EGFLAM: variants seen among roughly 807,000 people sequenced by gnomAD.
The protein encoded by EGFLAM is EGF like, fibronectin type III and laminin G domains.
In EGFLAM, 79 loss-of-function variants were observed where a neutral mutation model predicts 113.1. The ratio of observed to expected loss-of-function variants is 0.70; its 90% CI spans 0.58 to 0.84. EGFLAM has a LOEUF of 0.84. Among genes scored for constraint, EGFLAM ranks in the 40% least tolerant of loss-of-function variants. EGFLAM has a pLI of 0.00. For missense variants in EGFLAM, 1,265 were observed against 1,291.6 expected (o/e 0.98, Z 0.32); for synonymous variants, 504 against 487.6 (o/e 1.03, Z -0.44).
chr5:38,327,201 A>T (rs1164396360), intron 1 of EGFLAM, among the ~76,000 whole-genome samples: 2 of 152,240 alleles, frequency 1.3e-5, no homozygotes, highest in Admixed American at 1.3e-4. Context: ...AAATGCAGAG[A>T]AACAGACTGC....
At chr5:38,334,971 T>C (rs1022458015) in intron 1 of EGFLAM, among the ~76,000 whole-genome samples, 6 of 152,308 alleles carry the variant, frequency 3.9e-5, no homozygotes, top group African/African-American at 1.4e-4. Context: ...TGGGGAGTAC[T>C]ACTGTCATTT....
chr5:38,315,446 G>A lies in EGFLAM; in HGVS notation c.98-22074G>A, dbSNP rs545190989. Among the ~76,000 whole-genome samples the A allele has an allele frequency of 1.6e-4, 25 of 152,254 alleles. No homozygotes were observed. In the South Asian group the frequency reaches 4.4e-3, roughly 27 times the overall value. On this transcript the variant is annotated intron_variant, in intron 1 of 21. Transcript: ENST00000322350. ...TTCACAAGCTATACCACCATTCATCGCACAATATATAAGTGCATTTTGTGT... is the reference window on the plus strand; with the variant it reads ...TTCACAAGCTATACCACCATTCATCACACAATATATAAGTGCATTTTGTGT...
Position 38,406,232 on chromosome 5 carries a change from C to T in EGFLAM, c.819C>T (p.Ser273=). ...AAGACGACTTAGATTTGGATATTTC[C>T]TTTGAGGAGGTAACAATAATCTCTG... is the stretch of plus-strand genomic sequence containing the variant. ...GFEDDLDLDI[S]FEEVKPLPAT... Residue 273 remains serine (S), a synonymous_variant, in exon 7 of 22, where the codon TCC becomes TCT. Transcript: ENST00000322350. 1 of 1,613,890 alleles carries T rather than the reference C, an allele frequency of 6.2e-7. No homozygotes were observed. Among genetic ancestry groups the T allele is most frequent in the African/African-American group, 1.3e-5 (1 of 75,042 alleles).
intron 6 of EGFLAM, among the ~76,000 whole-genome samples, chr5:38,374,683 G>C (rs1327798169): frequency 1.3e-5 from 2 of 152,196 alleles, no homozygotes; most frequent in Non-Finnish European, 2.9e-5. Flanking sequence ...TAGCTAGTTT[G>C]TTAGTCCTAC....
intron 13 of EGFLAM, among the ~76,000 whole-genome samples, chr5:38,425,498 G>A (rs993816973): frequency 6.6e-6 from 1 of 152,100 alleles, no homozygotes; most frequent in Non-Finnish European, 1.5e-5. Flanking sequence ...ATCTAACAAA[G>A]CCCCATACAT....
intron 6 of EGFLAM, among the ~76,000 whole-genome samples, chr5:38,397,563 G>A (rs1421003732): frequency 6.6e-6 from 1 of 152,152 alleles, no homozygotes; most frequent in Non-Finnish European, 1.5e-5. Context: ...AAAGTGCTGG[G>A]ATCACAGGTG....
chr5:38,382,863 C>A (rs1040402039), intron 6 of EGFLAM, among the ~76,000 whole-genome samples: 1 of 152,192 alleles, frequency 6.6e-6, no homozygotes, highest in Admixed American at 6.5e-5. Flanking sequence ...CTAATCCCAG[C>A]ATCTACCATA....
intron 18 of EGFLAM, 26 bp downstream of exon 18, chr5:38,448,405 C>G (rs1265689176): frequency 6.2e-7 from 1 of 1,610,932 alleles, no homozygotes; most frequent in Non-Finnish European, 8.5e-7. Context: ...AGGCACCTTC[C>G]TCAGCTTTCT....
chr5:38,370,775 A>T (rs1224839744), intron 6 of EGFLAM, among the ~76,000 whole-genome samples: 1 of 152,160 alleles, frequency 6.6e-6, no homozygotes, highest in Non-Finnish European at 1.5e-5. Context: ...CCTCCTTTTC[A>T]TATTTTGAGA....
chr5:38,268,645 G>C (rs1181297384), intron 1 of EGFLAM, among the ~76,000 whole-genome samples: 2 of 152,162 alleles, frequency 1.3e-5, no homozygotes, highest in African/African-American at 2.4e-5. Flanking sequence ...TTTATACGTG[G>C]CAGAATTTGA....
chr5:38,407,796 C>T lies in EGFLAM; in HGVS notation c.1148-9C>T, dbSNP rs761998862. 19 of 1,593,182 alleles carry T rather than the reference C, an allele frequency of 1.2e-5. No homozygotes were observed. Among genetic ancestry groups the T allele is most frequent in the Admixed American group, 1.7e-5 (1 of 57,984 alleles). On this transcript the variant is annotated splice_polypyrimidine_tract_variant and intron_variant, in intron 8 of 21. Transcript: ENST00000322350. ...AGCATTCTTTTGTGTTGTCTTTTTT[C>T]TTCTTCAGATATTGTTATCCAGTAT...
chr5:38,351,705 A>G (rs899906467), intron 4 of EGFLAM, among the ~76,000 whole-genome samples: 12 of 152,200 alleles, frequency 7.9e-5, no homozygotes, highest in African/African-American at 2.9e-4. Context: ...CAAATGACCT[A>G]CCATTACTAT....
At chr5:38,319,332 T>G (rs1448086416) in intron 1 of EGFLAM, among the ~76,000 whole-genome samples, 1 of 152,106 alleles carries the variant, frequency 6.6e-6, no homozygotes, top group Non-Finnish European at 1.5e-5. Context: ...AAGAGAAAAT[T>G]CAGGTTGAGA....
chr5:38,395,026 C>T (rs534986584), intron 6 of EGFLAM, among the ~76,000 whole-genome samples: 8 of 151,884 alleles, frequency 5.3e-5, no homozygotes, highest in Admixed American at 1.3e-4. Context: ...CTACAACCTT[C>T]GCCTCCCGGA....
intron 19 of EGFLAM, among the ~76,000 whole-genome samples, chr5:38,457,172 A>AT (rs1743115000): frequency 6.6e-6 from 1 of 152,204 alleles, no homozygotes; most frequent in South Asian, 2.1e-4. Context: ...TAGGTTTGTG[A>AT]TTTTAGGCAA....
At chr5:38,342,622 T>C (rs908263304) in intron 3 of EGFLAM, among the ~76,000 whole-genome samples, 1 of 152,204 alleles carries the variant, frequency 6.6e-6, no homozygotes, top group Non-Finnish European at 1.5e-5. Context: ...ATCTTTTTCT[T>C]AAAATAATAC....
intron 6 of EGFLAM, among the ~76,000 whole-genome samples, chr5:38,377,184 C>A (rs2589778): frequency 6.6e-6 from 1 of 151,094 alleles, no homozygotes; most frequent in Admixed American, 6.6e-5. Context: ...TGCAGTCGTG[C>A]GATCTCAGTT....
intron 17 of EGFLAM, among the ~76,000 whole-genome samples, chr5:38,439,807 T>G (rs1321232499): frequency 6.6e-6 from 1 of 152,200 alleles, no homozygotes; most frequent in East Asian, 1.9e-4. Context: ...TTCAGAAAAT[T>G]GGGTTTGGAT....
chr5:38,346,100 C>T (rs1579801066), intron 3 of EGFLAM, among the ~76,000 whole-genome samples: 1 of 152,140 alleles, frequency 6.6e-6, no homozygotes, highest in East Asian at 1.9e-4. Context: ...GAAGGTCACC[C>T]TCTACCCCTC....
Sources: gnomAD v4.1 joint callset for allele counts (sites outside exome capture counted in the v4.1 genomes callset) on GRCh38, gnomAD v4.1.1 for gene constraint, MANE v1.5 for transcripts, NCBI Gene and HGNC (gene_info 2026-07-23, HGNC 2026-07-21) for gene names.